The following ASAP2 variants were observed in gnomAD, a reference collection of about 807,000 sequenced individuals.
ASAP2 encodes ArfGAP with SH3 domain, ankyrin repeat and PH domain 2, also known as arf-GAP with SH3 domain, ANK repeat and PH domain-containing protein 2.
In ASAP2, 45 loss-of-function variants were observed where a neutral mutation model predicts 131.4. The ratio of observed to expected loss-of-function variants is 0.34; its 90% CI spans 0.27 to 0.44. The LOEUF is 0.44. Among genes scored for constraint, ASAP2 ranks in the 20% least tolerant of loss-of-function variants. The pLI is 1.00. For missense variants in ASAP2, 1,011 were observed against 1,297.0 expected, an observed-to-expected ratio of 0.78 and a Z score of 3.39; for synonymous variants, 510 against 503.0, an observed-to-expected ratio of 1.01 and a Z score of -0.19.
At chr2:9,295,602 A>G (rs894232174) in intron 2 of ASAP2, among the ~76,000 whole-genome samples, 1 of 152,216 alleles carries the variant, frequency 6.6e-6, no homozygotes, top group Non-Finnish European at 1.5e-5. Flanking sequence ...AGGTGGACAT[A>G]GGACTGGAAC....
At chr2:9,215,039 G>C (rs902585140) in intron 1 of ASAP2, among the ~76,000 whole-genome samples, 1 of 152,122 alleles carries the variant, frequency 6.6e-6, no homozygotes, top group African/African-American at 2.4e-5. Flanking sequence ...TTCATTGTGC[G>C]AACATCCTAG....
intron 1 of ASAP2, among the ~76,000 whole-genome samples, chr2:9,259,538 A>G (rs182936863): frequency 1.4e-3 from 219 of 152,040 alleles, no homozygotes; most frequent in African/African-American, 5.1e-3. Flanking sequence ...GGATGCTATC[A>G]GAGGGCACAG....
intron 3 of ASAP2, among the ~76,000 whole-genome samples, chr2:9,304,355 G>A (rs554163295): frequency 3.6e-4 from 54 of 152,060 alleles, no homozygotes; most frequent in Non-Finnish European, 4.0e-4. Context: ...CAACTGCCAC[G>A]ATGTAGGTGA....
At chr2:9,239,171 A>G (rs147541120) in intron 1 of ASAP2, among the ~76,000 whole-genome samples, 1 of 152,304 alleles carries the variant, frequency 6.6e-6, no homozygotes, top group East Asian at 1.9e-4. Context: ...TGAGATGACC[A>G]TATGGTTTCC....
At chr2:9,358,958 T>C in intron 15 of ASAP2, 69 bp downstream of exon 15, 1 of 1,533,104 alleles carries the variant, frequency 6.5e-7, no homozygotes, top group Non-Finnish European at 8.8e-7. Flanking sequence ...CTTTTGGCAT[T>C]CTAATCCATT....
rs984447121 is a variant in ASAP2 at position 9,382,037 on chromosome 2, G to T, written c.2016+1229G>T. On this transcript the variant is annotated intron_variant, in intron 20 of 27. Transcript: ENST00000281419. The stretch of plus-strand genomic sequence containing the variant: ...CTTACTCTGTCACCCAGGCTGGAGT[G>T]CAGTGACATGATCTCTGTTCACTGC... Among the ~76,000 whole-genome samples the T allele has an allele frequency of 4.3e-5, 6 of 140,068 alleles. No homozygotes were observed. In the Admixed American group the frequency reaches 4.5e-4, roughly 10 times the overall value. The allele number at this position is 140,068 out of a possible 152,430, so 91.9% of individuals were successfully genotyped here.
At chr2:9,262,430 C>G (rs2148205566) in intron 1 of ASAP2, among the ~76,000 whole-genome samples, 2 of 152,272 alleles carry the variant, frequency 1.3e-5, no homozygotes, top group East Asian at 3.9e-4. Flanking sequence ...ATGGCAGACA[C>G]ATAAGCATTG....
chr2:9,255,137 G>T (rs185982468), intron 1 of ASAP2, among the ~76,000 whole-genome samples: 1 of 152,240 alleles, frequency 6.6e-6, no homozygotes, highest in African/African-American at 2.4e-5. Flanking sequence ...TCTTATTGTG[G>T]TTTAATTTAT....
chr2:9,227,104 A>G (rs1662827617), intron 1 of ASAP2, among the ~76,000 whole-genome samples: 1 of 152,204 alleles, frequency 6.6e-6, no homozygotes, highest in Non-Finnish European at 1.5e-5. Context: ...AATCCTGCTC[A>G]TCTGCCATCC....
chr2:9,372,080 A>G (rs1320124986), intron 16 of ASAP2, among the ~76,000 whole-genome samples: 1 of 152,224 alleles, frequency 6.6e-6, no homozygotes, highest in African/African-American at 2.4e-5. Flanking sequence ...GAGTAAATAC[A>G]TTAAAAAACA....
chr2:9,286,038 A>T (rs1367605421), intron 2 of ASAP2, among the ~76,000 whole-genome samples: 1 of 152,236 alleles, frequency 6.6e-6, no homozygotes. Flanking sequence ...GATATTATCA[A>T]TTAGAACAGG....
chr2:9,342,337 C>A (rs1412786013), intron 9 of ASAP2, among the ~76,000 whole-genome samples: 1 of 152,192 alleles, frequency 6.6e-6, no homozygotes, highest in Admixed American at 6.5e-5. Context: ...TGAAATAGAG[C>A]TGAGAGTCCA....
chr2:9,321,691 A>C (rs953269325), intron 5 of ASAP2, among the ~76,000 whole-genome samples: 2 of 152,154 alleles, frequency 1.3e-5, no homozygotes, highest in Non-Finnish European at 2.9e-5. Flanking sequence ...CAAGGGCAGA[A>C]AGGGCTTTCT....
chr2:9,228,279 T>C (rs1163936953), intron 1 of ASAP2, among the ~76,000 whole-genome samples: 1 of 152,240 alleles, frequency 6.6e-6, no homozygotes, highest in Non-Finnish European at 1.5e-5. Flanking sequence ...GTTAAAAATA[T>C]ACTTATGTCA....
chr2:9,280,343 C>T (rs973480870), intron 2 of ASAP2, among the ~76,000 whole-genome samples: 5 of 152,100 alleles, frequency 3.3e-5, no homozygotes, highest in African/African-American at 1.2e-4. Flanking sequence ...GTACACATTC[C>T]ACCTGCTCCC....
At chr2:9,380,301 G>A (rs1212228680) in intron 19 of ASAP2, among the ~76,000 whole-genome samples, 4 of 152,032 alleles carry the variant, frequency 2.6e-5, no homozygotes, top group African/African-American at 9.7e-5. Context: ...AGGTTCAAGC[G>A]ATTCTTCTGC....
intron 1 of ASAP2, among the ~76,000 whole-genome samples, chr2:9,247,928 A>G (rs62121269): frequency 0.068 from 10,362 of 152,250 alleles, 362 homozygotes; most frequent in East Asian, 0.11. Context: ...TTTATGATGT[A>G]TCCTCCCAGC....
intron 26 of ASAP2, 102 bp downstream of exon 26, chr2:9,400,932 CTGGGG>C: frequency 8.1e-7 from 1 of 1,242,186 alleles, no homozygotes; most frequent in Non-Finnish European, 1.1e-6. Context: ...CTTCCCCTGG[CTGGGG>C]CAGGGCGGGG....
chr2:9,393,340 C>A, intron 23 of ASAP2, 142 bp from the exon 24 acceptor site: 1 of 752,310 alleles, frequency 1.3e-6, no homozygotes, highest in Non-Finnish European at 2.0e-6. Context: ...TTTCTGAAAA[C>A]TGGCAAGGAA....
Sources: allele counts gnomAD v4.1 joint callset (sites outside exome capture counted in the v4.1 genomes callset), GRCh38; gene constraint gnomAD v4.1.1; transcripts MANE v1.5; gene names NCBI Gene and HGNC (gene_info 2026-07-23, HGNC 2026-07-21).